ZFPM1: variants seen among roughly 807,000 people sequenced by gnomAD.
The protein encoded by ZFPM1 is zinc finger protein, FOG family member 1.
In ZFPM1, 28 loss-of-function variants were observed where a neutral mutation model predicts 46.3. The ratio of observed to expected loss-of-function variants is 0.60; its 90% CI spans 0.45 to 0.83. ZFPM1 has a LOEUF of 0.83. Ranked by LOEUF, ZFPM1 falls within the 40% of genes least tolerant of loss-of-function variation. ZFPM1 has a pLI of 0.00. For missense variants in ZFPM1, 1,878 were observed against 1,432.4 expected, an observed-to-expected ratio of 1.31 and a Z score of -5.02; for synonymous variants, 957 against 675.9, an observed-to-expected ratio of 1.42 and a Z score of -6.45.
At chr16:88,508,212 G>A (rs1458342129) in intron 3 of ZFPM1, among the ~76,000 whole-genome samples, 6 of 152,300 alleles carry the variant, frequency 3.9e-5, no homozygotes, top group Non-Finnish European at 7.4e-5. Flanking sequence ...TGGGAGAATC[G>A]CTTGAACCCG....
At chr16:88,530,438 A>G (rs1912700481) in intron 6 of ZFPM1, 1 of 152,216 alleles carries the variant, frequency 6.6e-6, no homozygotes, top group Non-Finnish European at 1.5e-5. Context: ...TCTTGTTGAC[A>G]TACCTGAGTC....
intron 1 of ZFPM1, among the ~76,000 whole-genome samples, chr16:88,483,857 A>C (rs967386113): frequency 1.3e-5 from 2 of 152,194 alleles, no homozygotes; most frequent in Admixed American, 6.5e-5. Context: ...AAACGCGCAG[A>C]AAATCCACCT....
chr16:88,532,008 T>C lies in ZFPM1; in HGVS notation c.719T>C (p.Val240Ala), dbSNP rs1273062178. The C allele has an allele frequency of 8.1e-6, 13 of 1,600,932 alleles. No homozygotes were observed. Among genetic ancestry groups the C allele is most frequent in the Non-Finnish European group, 8.5e-6 (10 of 1,171,482 alleles). ...CCTGCTTCCCACCCCACAGAAGACG[T>C]CTTCCCCTGCAAGGACTGTGGCATC... ...ILATAVINKD[V>A]FPCKDCGIWY... Residue 240 changes from valine to alanine, a missense_variant, in exon 7 of 10, where the codon GTC becomes GCC. Physicochemically the swap from Val to Ala is moderately conservative, Grantham distance 64. Coordinates refer to ENST00000319555, the MANE Select transcript of ZFPM1 (RefSeq NM_153813.3).
At chr16:88,478,143 G>A (rs1383330120) in intron 1 of ZFPM1, among the ~76,000 whole-genome samples, 1 of 152,234 alleles carries the variant, frequency 6.6e-6, no homozygotes, top group African/African-American at 2.4e-5. Flanking sequence ...AGGACCGATG[G>A]GGGAGGGTGT....
chr16:88,462,506 C>T (rs1907943670), intron 1 of ZFPM1, among the ~76,000 whole-genome samples: 1 of 152,214 alleles, frequency 6.6e-6, no homozygotes. Context: ...GTGGAGGCAG[C>T]GGCAGGGCAG....
At chr16:88,526,987 A>C in intron 5 of ZFPM1, 71 bp downstream of exon 5, 1 of 1,501,206 alleles carries the variant, frequency 6.7e-7, no homozygotes, top group African/African-American at 1.4e-5. Context: ...CCCTGGGCTG[A>C]GCCCTTAAAG....
Position 88,532,666 on chromosome 16 carries a change from C to T in ZFPM1, c.999C>T (p.Ala333=). The change falls in exon 8 of 10, where the codon GCC becomes GCT. Residue 333 remains alanine (A), a synonymous_variant. Coordinates refer to ENST00000319555, the MANE Select transcript of ZFPM1 (RefSeq NM_153813.3). ...LICLSAFTTK[A]NCERHLKVHT... Reference sequence around the variant, plus strand: ...GCCTGTCGGCCTTCACCACCAAGGCCAACTGCGAGCGGCACCTCAAGGTGC... The same window carrying T: ...GCCTGTCGGCCTTCACCACCAAGGCTAACTGCGAGCGGCACCTCAAGGTGC... 6.2e-7 allele frequency: 1 copy of T among 1,601,444 alleles called. No homozygotes were observed. The highest frequency in any genetic ancestry group is 8.5e-7 in the Non-Finnish European group (1 of 1,174,236).
At chr16:88,526,208 G>T (rs4485343) in intron 4 of ZFPM1, among the ~76,000 whole-genome samples, 1 of 152,226 alleles carries the variant, frequency 6.6e-6, no homozygotes, top group Non-Finnish European at 1.5e-5. Flanking sequence ...GAGCGGGAAC[G>T]CAGGTGGCCC....
intron 3 of ZFPM1, among the ~76,000 whole-genome samples, chr16:88,500,126 G>A (rs964877151): frequency 1.4e-5 from 2 of 146,018 alleles, no homozygotes; most frequent in Non-Finnish European, 3.0e-5. Flanking sequence ...TTCCTGCCCC[G>A]GCCATCCCCC....
chr16:88,527,087 G>C (rs1207609733), intron 5 of ZFPM1, among the ~76,000 whole-genome samples, 171 bp downstream of exon 5: 2 of 152,188 alleles, frequency 1.3e-5, no homozygotes, highest in African/African-American at 4.8e-5. Context: ...ACTGGGACCA[G>C]TCAGCCCAGA....
Position 88,533,398 on chromosome 16 carries a change from G to T in ZFPM1, c.1440G>T (p.Glu480Asp). ...PEAAPILGPGEPGPQAPSRTP... is the reference protein window; with the variant it reads ...PEAAPILGPGDPGPQAPSRTP... Reference sequence around the variant, plus strand: ...CGGCCCCCATCCTGGGCCCCGGAGAGCCTGGGCCCCAGGCCCCGTCGCGGA... The same window carrying T: ...CGGCCCCCATCCTGGGCCCCGGAGATCCTGGGCCCCAGGCCCCGTCGCGGA... The change falls in exon 10 of 10, where the codon GAG becomes GAT. Residue 480 changes from glutamate to aspartate, a missense_variant. Transcript: ENST00000319555. The T allele has an allele frequency of 6.6e-7, 1 of 1,513,986 alleles. No homozygotes were observed. The allele number at this position is 1,513,986 out of a possible 1,614,324, so 93.8% of individuals were successfully genotyped here. A position where few individuals can be genotyped will look rare whatever the true frequency, so the allele number is the denominator to read the frequency against.
At chr16:88,463,312 C>A (rs534364873) in intron 1 of ZFPM1, among the ~76,000 whole-genome samples, 1 of 152,224 alleles carries the variant, frequency 6.6e-6, no homozygotes, top group Non-Finnish European at 1.5e-5. Context: ...TGCAGCTGCC[C>A]CCTCAGCCTC....
At chr16:88,476,975 T>C (rs148558432) in intron 1 of ZFPM1, among the ~76,000 whole-genome samples, 34 of 152,374 alleles carry the variant, frequency 2.2e-4, no homozygotes, top group Non-Finnish European at 4.3e-4. Flanking sequence ...GTGATAGCGA[T>C]GGAGAGAAGA....
At chr16:88,485,276 G>A (rs527316141) in intron 1 of ZFPM1, among the ~76,000 whole-genome samples, 1 of 152,260 alleles carries the variant, frequency 6.6e-6, no homozygotes, top group South Asian at 2.1e-4. Flanking sequence ...GTGCTGGGGG[G>A]AGCAGGTGGG....
At chr16:88,531,123 T>C (rs1912752940) in intron 6 of ZFPM1, 1 of 152,200 alleles carries the variant, frequency 6.6e-6, no homozygotes, top group Non-Finnish European at 1.5e-5. Context: ...TGGAACGGGC[T>C]TGAAAGCCAG....
Position 88,488,914 on chromosome 16 carries a change from C to G in ZFPM1, c.146-117C>G. On this transcript the variant is annotated intron_variant, in intron 2 of 9. Transcript: ENST00000319555. ...AGCGCACCAGGAGATGGGGGTGGCT[C>G]TGGGCCCGAGCTCCCCAACCCGGCG... The G allele has an allele frequency of 2.0e-6, 3 of 1,471,956 alleles. 1 individual carries two copies. The South Asian group carries it at 4.1e-5, about 20-fold the overall frequency. The allele number at this position is 1,471,956 out of a possible 1,614,324, so 91.2% of individuals were successfully genotyped here.
At chr16:88,499,339 A>T (rs1910118319) in intron 3 of ZFPM1, among the ~76,000 whole-genome samples, 1 of 152,226 alleles carries the variant, frequency 6.6e-6, no homozygotes, top group African/African-American at 2.4e-5. Flanking sequence ...TGTGATAGAC[A>T]GGGGGATGCA....
chr16:88,533,155 G>T lies in ZFPM1; in HGVS notation c.1197G>T (p.Leu399=). 1 of 1,501,128 alleles carries T rather than the reference G, an allele frequency of 6.7e-7. No individual in the cohort carries two copies. Among genetic ancestry groups the T allele is most frequent in the South Asian group, 1.3e-5 (1 of 75,160 alleles). 93.0% of individuals were successfully genotyped at this position (1,501,128 alleles called of 1,614,324 possible). The change falls in exon 10 of 10, where the codon CTG becomes CTT. Residue 399 remains leucine (L), a synonymous_variant. Transcript: ENST00000319555. ...CCTGCGATCTCTCTGCAGACAGTCT[G>T]GGCAGCTTCCAGCAGCAGCACACGG... ...HPATKLPPDS[L]GSFQQQHTAL...
At position 88,512,325 on chromosome 16, in the gene ZFPM1, C is replaced by T. The variant is rs973941069; in HGVS notation, c.269-2062C>T. On this transcript the variant is annotated intron_variant, in intron 3 of 9. Transcript: ENST00000319555. ...AGGTGTGATACGCGGCAGGTGTGGA[C>T]GCTGCAGGCCCAAGCTCCTCCTACC... 4.6e-5 allele frequency among the ~76,000 whole-genome samples: 7 copies of T among 152,134 alleles called. No individual in the cohort carries two copies. In the East Asian group the frequency reaches 5.8e-4, roughly 13 times the overall value.
Sources: allele counts gnomAD v4.1 joint callset (sites outside exome capture counted in the v4.1 genomes callset), GRCh38; gene constraint gnomAD v4.1.1; transcripts MANE v1.5; gene names NCBI Gene and HGNC (gene_info 2026-07-23, HGNC 2026-07-21).